Variants in TNKS observed in about 807,000 individuals in gnomAD.
TNKS encodes poly [ADP-ribose] polymerase tankyrase-1.
Under a neutral mutation model 135.8 loss-of-function variants are expected in TNKS, and 72 were observed. The ratio of observed to expected loss-of-function variants is 0.53; its 90% confidence interval spans 0.44 to 0.64. The LOEUF is 0.64. TNKS is among the 30% of genes least tolerant of loss of function. TNKS has a pLI of 0.00. For synonymous variants in TNKS, 849 were observed against 649.3 expected, an observed-to-expected ratio of 1.31 and a Z score of -4.68; for missense variants, 1,769 against 1,674.0, an observed-to-expected ratio of 1.06 and a Z score of -0.99.
intron 2 of TNKS, among the ~76,000 whole-genome samples, chr8:9,597,719 C>T (rs1337603816): frequency 6.6e-6 from 1 of 152,112 alleles, no homozygotes; most frequent in Non-Finnish European, 1.5e-5. Flanking sequence ...GAGTAAGCAG[C>T]TCTCTTTCAA....
intron 3 of TNKS, among the ~76,000 whole-genome samples, chr8:9,676,819 A>T (rs1452440346): frequency 1.3e-5 from 2 of 152,006 alleles, no homozygotes; most frequent in African/African-American, 4.8e-5. Flanking sequence ...CAAAAATTCC[A>T]TTTACTTTTA....
chr8:9,706,761 T>G (rs925401843), intron 7 of TNKS, 50 bp from the exon 8 acceptor site: 2 of 1,522,266 alleles, frequency 1.3e-6, no homozygotes, highest in Non-Finnish European at 1.8e-6. Context: ...GAGTTTTATT[T>G]GATCCAGCAA....
At position 9,706,266 on chromosome 8, in the gene TNKS, C is replaced by A; in HGVS notation, c.1269+13C>A. 1.3e-6 allele frequency: 2 copies of A among 1,533,710 alleles called. No individual in the cohort carries two copies. Among genetic ancestry groups the A allele is most frequent in the African/African-American group, 1.4e-5 (1 of 69,820 alleles). On this transcript the variant is annotated intron_variant, in intron 7 of 26. Coordinates refer to ENST00000310430, the MANE Select transcript of TNKS (RefSeq NM_003747.3). The stretch of plus-strand genomic sequence containing the variant: ...ACTGCTACTAAAGGTAAGAGAAATT[C>A]AGAATATTGAGCATCATTTACTTTT...
Position 9,556,005 on chromosome 8 carries a change from A to T in TNKS, c.66A>T (p.Pro22=), listed in dbSNP as rs775667151. 1.8e-5 allele frequency: 29 copies of T among 1,612,974 alleles called. 1 individual carries two copies. In the Middle Eastern group the frequency reaches 6.6e-4, roughly 37 times the overall value. ...HHHQQQLQPA[P]GASAPPPPPP... is the part of the protein sequence containing the mutation. ...ATCAACAACAGCTCCAGCCCGCCCC[A>T]GGGGCTTCAGCGCCGCCGCCGCCAC... Residue 22 remains proline, a synonymous_variant, in exon 1 of 27, where the codon CCA becomes CCT. Transcript: ENST00000310430.
chr8:9,602,798 A>G (rs1047679731), intron 2 of TNKS, among the ~76,000 whole-genome samples: 2 of 152,232 alleles, frequency 1.3e-5, no homozygotes, highest in Admixed American at 1.3e-4. Context: ...TATCTCAAGT[A>G]TTATTTCAAC....
Position 9,580,303 on chromosome 8 carries a change from C to G in TNKS, c.818C>G (p.Ala273Gly). The G allele has an allele frequency of 6.2e-7, 1 of 1,614,124 alleles. No individual in the cohort carries two copies. Residue 273 changes from alanine to glycine, a missense_variant, in exon 2 of 27, where the codon GCT (alanine) becomes GGT (glycine). This residue lies in a region of TNKS where 523 missense variants were observed against 541.0 expected (regional missense o/e 0.97). Transcript: ENST00000310430. ...GTGAGTCTGTTATTGTGCCAAGGAG[C>G]TGATCCAAATGCCAGGGATAACTGG... The part of the protein sequence containing the change: ...EVVSLLLCQG[A>G]DPNARDNWNY...
At chr8:9,663,256 T>G (rs189259546) in intron 3 of TNKS, among the ~76,000 whole-genome samples, 107 of 152,378 alleles carry the variant, frequency 7.0e-4, no homozygotes, top group Middle Eastern at 3.4e-3. Flanking sequence ...TCTGGTATTG[T>G]GTTACAATAA....
chr8:9,641,688 C>T (rs1800737967), intron 3 of TNKS, among the ~76,000 whole-genome samples: 1 of 144,296 alleles, frequency 6.9e-6, no homozygotes, highest in Non-Finnish European at 1.5e-5. Flanking sequence ...TAGAGACACA[C>T]AGAGACATTT....
chr8:9,770,285 A>G lies in TNKS; in HGVS notation c.3897+23A>G, dbSNP rs1000279188. On this transcript the variant is annotated intron_variant, in intron 26 of 26. Transcript: ENST00000310430. ...CAGGTATGTTACTCATCAAACAAGCATAACCAAGTTCACAAACATGTCAAT... is the reference window on the plus strand; with the variant it reads ...CAGGTATGTTACTCATCAAACAAGCGTAACCAAGTTCACAAACATGTCAAT... 5.0e-6 allele frequency: 8 copies of G among 1,594,568 alleles called. No homozygotes were observed. In the Admixed American group the frequency reaches 8.5e-5, roughly 17 times the overall value.
chr8:9,609,431 T>C (rs1390405478), intron 2 of TNKS, among the ~76,000 whole-genome samples: 1 of 152,248 alleles, frequency 6.6e-6, no homozygotes, highest in African/African-American at 2.4e-5. Context: ...ATCCTCATCC[T>C]GAGGTATCAC....
chr8:9,709,378 G>T (rs1197267687), intron 9 of TNKS, among the ~76,000 whole-genome samples: 1 of 152,164 alleles, frequency 6.6e-6, no homozygotes. Context: ...TTAGTTGAAA[G>T]TAGTTTTTTA....
intron 20 of TNKS, among the ~76,000 whole-genome samples, chr8:9,754,925 C>T (rs914976028): frequency 2.0e-5 from 3 of 152,194 alleles, no homozygotes; most frequent in Non-Finnish European, 2.9e-5. Context: ...TATTCCCTAA[C>T]TGAAGGTGTG....
intron 20 of TNKS, among the ~76,000 whole-genome samples, chr8:9,755,292 C>G (rs577989070): frequency 6.6e-6 from 1 of 152,140 alleles, no homozygotes; most frequent in South Asian, 2.1e-4. Flanking sequence ...CTGGTTTCAT[C>G]AGTTTCATTG....
chr8:9,725,157 A>G (rs1049142010), intron 12 of TNKS, among the ~76,000 whole-genome samples: 2 of 152,166 alleles, frequency 1.3e-5, no homozygotes, highest in African/African-American at 2.4e-5. Context: ...TAATGAGACA[A>G]TGAAAGAACA....
chr8:9,580,503 GTTCTTTTCCAT>G, intron 2 of TNKS, 120 bp downstream of exon 2: 1 of 840,590 alleles, frequency 1.2e-6, no homozygotes, highest in Non-Finnish European at 1.8e-6. Flanking sequence ...TGTAGAAGCA[GTTCTTTTCCAT>G]CAAAAGGTAA....
chr8:9,689,963 A>G (rs1248213572), intron 5 of TNKS, among the ~76,000 whole-genome samples: 1 of 152,214 alleles, frequency 6.6e-6, no homozygotes, highest in Non-Finnish European at 1.5e-5. Flanking sequence ...AAAACCTAAG[A>G]TTGAAAATAT....
intron 5 of TNKS, among the ~76,000 whole-genome samples, chr8:9,693,946 A>G (rs1803395257): frequency 6.6e-6 from 1 of 152,206 alleles, no homozygotes; most frequent in Non-Finnish European, 1.5e-5. Context: ...GGATCAGGAA[A>G]GTACTGGGCA....
chr8:9,618,711 AAG>A (rs1224213014), intron 3 of TNKS, among the ~76,000 whole-genome samples: 1 of 152,162 alleles, frequency 6.6e-6, no homozygotes, highest in Non-Finnish European at 1.5e-5. Context: ...CTGATTGTAA[AAG>A]AAATACATTC....
At chr8:9,721,762 G>T (rs1316694736) in intron 12 of TNKS, among the ~76,000 whole-genome samples, 1 of 151,968 alleles carries the variant, frequency 6.6e-6, no homozygotes, top group Non-Finnish European at 1.5e-5. Flanking sequence ...TATATAAAAC[G>T]CCCTAACTAG....
Sources: gnomAD v4.1 joint callset for allele counts (sites outside exome capture counted in the v4.1 genomes callset) on GRCh38, gnomAD v4.1.1 for gene constraint, gnomAD v4.1.1 regional missense constraint, MANE v1.5 for transcripts, NCBI Gene and HGNC (gene_info 2026-07-23, HGNC 2026-07-21) for gene names.